The following GTF2F2 variants were observed in gnomAD, a reference collection of about 807,000 sequenced individuals.
GTF2F2 encodes the protein general transcription factor IIF subunit 2, also known as ATP-dependent helicase GTF2F2.
A neutral mutation model predicts 42.2 loss-of-function variants in GTF2F2; 23 were observed. The ratio of observed to expected loss-of-function variants is 0.55; its 90% CI spans 0.39 to 0.77. The LOEUF (loss-of-function observed/expected upper bound fraction) is 0.77, where lower values mean the gene tolerates loss of function less well. Among genes scored for constraint, GTF2F2 ranks in the 30% least tolerant of loss-of-function variants. The probability of loss-of-function intolerance (pLI) is 0.00; values close to 1 mark genes in which losing one functional copy is unlikely to be tolerated. For synonymous variants in GTF2F2, 105 were observed against 100.8 expected (o/e 1.04, Z -0.25); for missense variants, 261 against 287.2 (o/e 0.91, Z 0.66).
chr13:45,134,636 A>C (rs1869523674), intron 1 of GTF2F2, among the ~76,000 whole-genome samples: 1 of 152,164 alleles, frequency 6.6e-6, no homozygotes. Context: ...TGTTTGGATG[A>C]ATGGAGTAGA....
chr13:45,170,900 G>C (rs1172211725), intron 4 of GTF2F2, among the ~76,000 whole-genome samples: 1 of 152,116 alleles, frequency 6.6e-6, no homozygotes, highest in Non-Finnish European at 1.5e-5. Context: ...GTCATACTGG[G>C]AGGGTAGCAG....
chr13:45,120,795 T>C, intron 1 of GTF2F2, 74 bp downstream of exon 1: 1 of 1,071,610 alleles, frequency 9.3e-7, no homozygotes, highest in Non-Finnish European at 1.4e-6. Context: ...CCTATCCCGC[T>C]CCGTGCGCCT....
At chr13:45,234,423 T>C (rs566629050) in intron 5 of GTF2F2, among the ~76,000 whole-genome samples, 1 of 152,350 alleles carries the variant, frequency 6.6e-6, no homozygotes, top group East Asian at 1.9e-4. Flanking sequence ...ACAAATCTTT[T>C]TCCTGTATGC....
chr13:45,167,231 T>TA lies in GTF2F2; in HGVS notation c.304+15401dup, dbSNP rs1491541144. Among the ~76,000 whole-genome samples the TA allele has an allele frequency of 1.1e-4, 15 of 141,686 alleles. 1 individual carries two copies. Among genetic ancestry groups the TA allele is most frequent in the African/African-American group, 4.5e-4 (15 of 33,424 alleles). 93.0% of individuals were successfully genotyped at this position (141,686 alleles called of 152,430 possible). A position where few individuals can be genotyped will look rare whatever the true frequency, so the allele number is the denominator to read the frequency against. On this transcript the variant is annotated intron_variant, in intron 4 of 7. Transcript: ENST00000340473. ...ACACATACTATACATACTATTTTAC[T>TA]ATTTTTTTTTTTTTTTTTTTAAAGA...
intron 2 of GTF2F2, among the ~76,000 whole-genome samples, chr13:45,137,764 G>T (rs1294225940): frequency 1.3e-5 from 2 of 152,184 alleles, no homozygotes; most frequent in African/African-American, 4.8e-5. Context: ...AGCTCACATG[G>T]CCAAGCCCAG....
At position 45,283,562 on chromosome 13, in the gene GTF2F2, G is replaced by GTA. The variant is rs1566161914; in HGVS notation, c.*1_*2insTA. The GTA allele has an allele frequency of 3.1e-6, 5 of 1,607,402 alleles. No homozygotes were observed. Among genetic ancestry groups the GTA allele is most frequent in the Non-Finnish European group, 4.2e-6 (5 of 1,177,376 alleles). On this transcript the variant is annotated 3_prime_UTR_variant, in exon 8 of 8. Transcript: ENST00000340473. ...TCAAGGAGAAGAAAAGAGTGACTAA[G>GTA]AAGACTCCTAGCCAGCATGCTAGTG...
intron 7 of GTF2F2, among the ~76,000 whole-genome samples, chr13:45,271,670 G>GA (rs1876801450): frequency 6.6e-6 from 1 of 151,956 alleles, no homozygotes; most frequent in Non-Finnish European, 1.5e-5. Context: ...TCCTGCCTCA[G>GA]CCCCCCGAGT....
intron 5 of GTF2F2, among the ~76,000 whole-genome samples, chr13:45,246,032 C>T (rs1005643344): frequency 0.2 from 16 of 82 alleles, no homozygotes; most frequent in South Asian, 0.43. Flanking sequence ...TATTTTGAGA[C>T]GGAGCTCGCT....
chr13:45,253,296 A>G (rs1401184382), intron 6 of GTF2F2, among the ~76,000 whole-genome samples: 6 of 152,154 alleles, frequency 3.9e-5, no homozygotes, highest in Admixed American at 3.9e-4. Context: ...TGTACTAACT[A>G]AATATTAGTT....
intron 1 of GTF2F2, among the ~76,000 whole-genome samples, chr13:45,120,985 C>G (rs1868601229): frequency 6.6e-6 from 1 of 152,190 alleles, no homozygotes. Context: ...GGAATCTTGT[C>G]TTGGTGTCCC....
chr13:45,235,041 CAAAAAAAAAAAAAAAAAA>C lies in GTF2F2; in HGVS notation c.387-17817_387-17800del, dbSNP rs61077504. Among the ~76,000 whole-genome samples, 34 of 43,718 alleles carry C rather than the reference CAAAAAAAAAAAAAAAAAA, an allele frequency of 7.8e-4. No individual in the cohort carries two copies. In the East Asian group the frequency reaches 0.019, roughly 25 times the overall value. The allele number at this position is 43,718 out of a possible 152,430, so 28.7% of individuals were successfully genotyped here. A position where few individuals can be genotyped will look rare whatever the true frequency, so the allele number is the denominator to read the frequency against. On this transcript the variant is annotated intron_variant, in intron 5 of 7. Coordinates refer to ENST00000340473, the MANE Select transcript of GTF2F2 (RefSeq NM_004128.3). ...GCCTGGGCAACAAGAGCGGGAAACT[CAAAAAAAAAAAAAAAAAA>C]AAAAAAAAAAAAGGTCATAGTTGAA... is the stretch of plus-strand genomic sequence containing the variant.
At chr13:45,277,281 A>G in intron 7 of GTF2F2, among the ~76,000 whole-genome samples, 1 of 152,212 alleles carries the variant, frequency 6.6e-6, no homozygotes. Context: ...TGCAGGCTGT[A>G]CGGGAAGTAT....
intron 2 of GTF2F2, among the ~76,000 whole-genome samples, chr13:45,147,434 T>G (rs982686239): frequency 6.6e-6 from 1 of 152,168 alleles, no homozygotes; most frequent in African/African-American, 2.4e-5. Flanking sequence ...TAAATTGAGC[T>G]CTAGAAGCTA....
chr13:45,135,432 G>C (rs1002209118), intron 1 of GTF2F2, among the ~76,000 whole-genome samples: 1 of 151,326 alleles, frequency 6.6e-6, no homozygotes, highest in African/African-American at 2.4e-5. Context: ...GCTAATTTTT[G>C]TATTCTTAGT....
chr13:45,243,660 G>T (rs1277136297), intron 5 of GTF2F2, among the ~76,000 whole-genome samples: 2 of 151,896 alleles, frequency 1.3e-5, no homozygotes, highest in Non-Finnish European at 2.9e-5. Flanking sequence ...GTTGTTTTTG[G>T]GTTTTTTGTT....
Position 45,120,685 on chromosome 13 carries a change from C to T in GTF2F2, c.30C>T (p.Thr10=), listed in dbSNP as rs201386145. 4.5e-6 allele frequency: 7 copies of T among 1,561,580 alleles called. No individual in the cohort carries two copies. In the East Asian group the frequency reaches 1.4e-4, roughly 32 times the overall value. The change falls in exon 1 of 8, where the codon ACC becomes ACT. Residue 10 remains threonine (T), a synonymous_variant. Coordinates refer to ENST00000340473, the MANE Select transcript of GTF2F2 (RefSeq NM_004128.3). MAERGELDL[T]GAKQNTGVWL... is the part of the protein sequence containing the mutation. ...CCGAGCGCGGGGAACTCGACTTGAC[C>T]GGCGCCAAACAGAACACAGGAGTGT...
intron 2 of GTF2F2, among the ~76,000 whole-genome samples, chr13:45,144,931 T>C (rs1870121162): frequency 6.6e-6 from 1 of 152,160 alleles, no homozygotes; most frequent in Admixed American, 6.5e-5. Context: ...TGTATATAAC[T>C]TACACAACAT....
chr13:45,241,562 A>G (rs1419348093), intron 5 of GTF2F2, among the ~76,000 whole-genome samples: 7 of 133,038 alleles, frequency 5.3e-5, no homozygotes, highest in Admixed American at 1.4e-4. Flanking sequence ...TTTATTTTTA[A>G]TTAATTTAAA....
At chr13:45,247,594 G>A (rs974865683) in intron 5 of GTF2F2, among the ~76,000 whole-genome samples, 10 of 151,874 alleles carry the variant, frequency 6.6e-5, no homozygotes, top group African/African-American at 1.7e-4. Flanking sequence ...GGGTTTCACC[G>A]AGTTGGCCAG....
Sources: allele counts gnomAD v4.1 joint callset (sites outside exome capture counted in the v4.1 genomes callset), GRCh38; gene constraint gnomAD v4.1.1; transcripts MANE v1.5; gene names NCBI Gene and HGNC (gene_info 2026-07-23, HGNC 2026-07-21).